Variants in GRID1 observed in about 807,000 individuals in gnomAD.
GRID1 encodes glutamate ionotropic receptor delta type subunit 1.
Under a neutral mutation model 98.0 loss-of-function variants are expected in GRID1, and 28 were observed. The observed-to-expected ratio is 0.29, with a 90% CI of 0.21 to 0.39. The LOEUF is 0.39. Ranked by LOEUF, GRID1 falls within the 10% of genes least tolerant of loss-of-function variation. The probability of loss-of-function intolerance (pLI) is 1.00; values close to 1 mark genes in which losing one functional copy is unlikely to be tolerated. For synonymous variants in GRID1, 553 were observed against 538.5 expected (o/e 1.03, Z -0.37); for missense variants, 1,111 against 1,340.5 (o/e 0.83, Z 2.67).
intron 4 of GRID1, among the ~76,000 whole-genome samples, chr10:86,122,169 C>T (rs1335144202): frequency 1.3e-5 from 2 of 152,228 alleles, no homozygotes; most frequent in African/African-American, 2.4e-5. Flanking sequence ...TAAACTTTAC[C>T]ACAGCCTTGG....
At chr10:86,042,876 AG>A (rs1843366166) in intron 4 of GRID1, among the ~76,000 whole-genome samples, 1 of 152,210 alleles carries the variant, frequency 6.6e-6, no homozygotes, top group Non-Finnish European at 1.5e-5. Context: ...ACTTGAGCCC[AG>A]GAGTTCAAGA....
At chr10:85,854,173 T>C (rs1843086358) in intron 8 of GRID1, among the ~76,000 whole-genome samples, 1 of 152,134 alleles carries the variant, frequency 6.6e-6, no homozygotes, top group Non-Finnish European at 1.5e-5. Context: ...TCGGGCTGAT[T>C]TCACTGCTCT....
At chr10:85,620,184 T>C in intron 13 of GRID1, 151 bp from the exon 14 acceptor site, 2 of 650,930 alleles carry the variant, frequency 3.1e-6, no homozygotes, top group Non-Finnish European at 5.3e-6. Context: ...TACTGTTTTC[T>C]GGCCTACAAA....
chr10:85,637,589 C>T (rs973515109), intron 13 of GRID1, among the ~76,000 whole-genome samples: 2 of 152,208 alleles, frequency 1.3e-5, no homozygotes, highest in Non-Finnish European at 1.5e-5. Context: ...ACTGCTAAAG[C>T]TACACATTTA....
At chr10:85,942,634 C>T (rs779569942) in intron 4 of GRID1, among the ~76,000 whole-genome samples, 5 of 152,188 alleles carry the variant, frequency 3.3e-5, no homozygotes, top group Non-Finnish European at 5.9e-5. Flanking sequence ...AACCTGATGC[C>T]AGGGGTCCTT....
At chr10:85,855,961 G>A (rs1016907251) in intron 7 of GRID1, 68 bp downstream of exon 7, 1 of 1,434,752 alleles carries the variant, frequency 7.0e-7, no homozygotes, top group Non-Finnish European at 9.7e-7. Flanking sequence ...GCTACTAGAG[G>A]GGAACACAGT....
chr10:85,774,599 A>G (rs915042552), intron 8 of GRID1, among the ~76,000 whole-genome samples: 1 of 152,184 alleles, frequency 6.6e-6, no homozygotes, highest in Non-Finnish European at 1.5e-5. Flanking sequence ...TAATATCCAG[A>G]ATCTACAATG....
In GRID1 at chr10:85,723,137, G is replaced by T; in HGVS notation, c.1863C>A (p.Gly621=). The change falls in exon 12 of 16, where the codon GGC becomes GGA. Residue 621 remains glycine, a synonymous_variant. Transcript: ENST00000327946. ...TGGCCATGGAGTTCACGGAAGATTC[G>T]CCACCTGCGGGAGGCAGACAAAGTG... ...IVYGAFVQQG[G]ESSVNSMAMR... The T allele has an allele frequency of 6.2e-7, 1 of 1,605,018 alleles. No individual in the cohort carries two copies. Among genetic ancestry groups the T allele is most frequent in the Non-Finnish European group, 8.5e-7 (1 of 1,175,418 alleles).
At position 86,237,472 on chromosome 10, in the gene GRID1, G is replaced by A. The variant is rs566726078; in HGVS notation, c.236-30824C>T. ...TCCCAACACTTTTGGAGGCCAAGGC[G>A]GGTGGATCACGAGGTCAGGAGTTCA... is the stretch of plus-strand genomic sequence containing the variant. On this transcript the variant is annotated intron_variant, in intron 2 of 15. Transcript: ENST00000327946. Among the ~76,000 whole-genome samples the A allele has an allele frequency of 5.3e-4, 80 of 152,202 alleles. 1 individual carries two copies. The South Asian group carries it at 0.014, about 27-fold the overall frequency.
intron 3 of GRID1, among the ~76,000 whole-genome samples, chr10:86,202,137 C>G (rs77149545): frequency 0.032 from 4,829 of 152,326 alleles, 127 homozygotes; most frequent in African/African-American, 0.061. Context: ...CCCAGGTCTG[C>G]GAGCTAGCCC....
At chr10:86,111,430 G>C (rs1172208963) in intron 4 of GRID1, among the ~76,000 whole-genome samples, 1 of 152,168 alleles carries the variant, frequency 6.6e-6, no homozygotes, top group Non-Finnish European at 1.5e-5. Context: ...CAATGCATCA[G>C]GAATAGTTGC....
chr10:86,277,346 T>C (rs972831253), intron 2 of GRID1, among the ~76,000 whole-genome samples: 1 of 152,222 alleles, frequency 6.6e-6, no homozygotes, highest in Non-Finnish European at 1.5e-5. Context: ...GCCCTTCAGA[T>C]TGAAATGAAA....
intron 2 of GRID1, among the ~76,000 whole-genome samples, chr10:86,232,558 G>C (rs976320199): frequency 6.6e-6 from 1 of 152,192 alleles, no homozygotes; most frequent in Non-Finnish European, 1.5e-5. Context: ...ACTCCAAAGA[G>C]ATACTGCGAA....
chr10:86,028,528 C>G (rs1843145439), intron 4 of GRID1, among the ~76,000 whole-genome samples: 1 of 152,178 alleles, frequency 6.6e-6, no homozygotes. Flanking sequence ...TGAGAACTAT[C>G]TTTAGATATT....
intron 4 of GRID1, among the ~76,000 whole-genome samples, chr10:86,046,437 C>T (rs2131902466): frequency 6.6e-6 from 1 of 152,316 alleles, no homozygotes; most frequent in Non-Finnish European, 1.5e-5. Flanking sequence ...ATCCAGGAAC[C>T]TTCATGAGCT....
intron 12 of GRID1, among the ~76,000 whole-genome samples, chr10:85,706,488 C>T: frequency 6.6e-6 from 1 of 152,160 alleles, no homozygotes; most frequent in Non-Finnish European, 1.5e-5. Flanking sequence ...AAGAACATGC[C>T]ATGCTCATGG....
At chr10:85,619,647 C>T (rs1227044147) in intron 14 of GRID1, among the ~76,000 whole-genome samples, 1 of 152,174 alleles carries the variant, frequency 6.6e-6, no homozygotes, top group Non-Finnish European at 1.5e-5. Flanking sequence ...CTGCTCCTAT[C>T]AGAGATCCCA....
chr10:85,844,952 A>T (rs973143297), intron 8 of GRID1, among the ~76,000 whole-genome samples: 24 of 151,986 alleles, frequency 1.6e-4, no homozygotes, highest in Admixed American at 1.0e-3. Context: ...TCTTAATCTG[A>T]AAAAAGAACA....
intron 2 of GRID1, among the ~76,000 whole-genome samples, chr10:86,236,261 C>T (rs1212435698): frequency 2.0e-5 from 3 of 152,192 alleles, no homozygotes; most frequent in African/African-American, 7.2e-5. Flanking sequence ...AATTGGAAGA[C>T]TCATTTATAT....
Sources: allele counts gnomAD v4.1 joint callset (sites outside exome capture counted in the v4.1 genomes callset), GRCh38; gene constraint gnomAD v4.1.1; transcripts MANE v1.5; gene names NCBI Gene and HGNC (gene_info 2026-07-23, HGNC 2026-07-21).